Variants in GALC observed in about 807,000 individuals in gnomAD.
The protein encoded by GALC is galactosylceramidase.
Under a neutral mutation model 91.8 loss-of-function variants are expected in GALC, and 77 were observed. The observed-to-expected ratio is 0.84, with a 90% confidence interval of 0.70 to 1.01. The LOEUF (loss-of-function observed/expected upper bound fraction) is 1.01, where lower values mean the gene tolerates loss of function less well. Ranked by LOEUF, GALC falls within the 50% of genes least tolerant of loss-of-function variation. GALC has a pLI of 0.00. For synonymous variants in GALC, 357 were observed against 306.7 expected (o/e 1.16, Z -1.71); for missense variants, 882 against 855.9 (o/e 1.03, Z -0.38).
chr14:87,983,932 T>G (rs1046454784), intron 5 of GALC, among the ~76,000 whole-genome samples: 1 of 152,206 alleles, frequency 6.6e-6, no homozygotes, highest in Non-Finnish European at 1.5e-5. Flanking sequence ...TACCTCAAGA[T>G]CCTCAATATT....
At chr14:87,961,778 A>G (rs1350503683) in intron 10 of GALC, among the ~76,000 whole-genome samples, 3 of 152,138 alleles carry the variant, frequency 2.0e-5, no homozygotes, top group African/African-American at 7.2e-5. Flanking sequence ...AGACACTGAC[A>G]AAAAGGTGGC....
chr14:87,959,311 A>G (rs1885697641), intron 10 of GALC, among the ~76,000 whole-genome samples: 1 of 152,170 alleles, frequency 6.6e-6, no homozygotes, highest in Non-Finnish European at 1.5e-5. Flanking sequence ...TACCAAAAAA[A>G]CAAAAGAAAA....
chr14:87,984,582 G>C, intron 4 of GALC, 49 bp from the exon 5 acceptor site: 3 of 1,607,422 alleles, frequency 1.9e-6, no homozygotes, highest in Non-Finnish European at 2.6e-6. Context: ...TAACGGTGCT[G>C]GCGCTATTGA....
intron 9 of GALC, 24 bp downstream of exon 9, chr14:87,965,481 G>C (rs1341666643): frequency 6.2e-7 from 1 of 1,611,930 alleles, no homozygotes; most frequent in Non-Finnish European, 8.5e-7. Flanking sequence ...AATTTAGGGA[G>C]TGAGAGATGG....
intron 10 of GALC, chr14:87,952,672 A>G: frequency 2.0e-6 from 3 of 1,522,630 alleles, no homozygotes; most frequent in Non-Finnish European, 2.7e-6. Context: ...CTTGAAAACT[A>G]TGAAGTCCCA....
intron 10 of GALC, among the ~76,000 whole-genome samples, chr14:87,959,326 T>A (rs915678253): frequency 6.6e-6 from 1 of 151,820 alleles, no homozygotes; most frequent in African/African-American, 2.4e-5. Flanking sequence ...AGAAAACAAG[T>A]GTTGGTGAGG....
At chr14:87,957,484 C>T (rs1885606338) in intron 10 of GALC, among the ~76,000 whole-genome samples, 1 of 152,034 alleles carries the variant, frequency 6.6e-6, no homozygotes, top group African/African-American at 2.4e-5. Context: ...TGTTGCTATC[C>T]AATTTTCCCA....
chr14:87,935,074 T>C (rs959213054), intron 16 of GALC, among the ~76,000 whole-genome samples, 196 bp from the exon 17 acceptor site: 5 of 152,088 alleles, frequency 3.3e-5, no homozygotes, highest in African/African-American at 9.7e-5. Flanking sequence ...GAAATTCTTA[T>C]CTACCTACTT....
rs539617222 is a variant in GALC, at chr14:87,934,369, T to C, written c.*363A>G. 4.7e-6 allele frequency: 6 copies of C among 1,266,054 alleles called. No homozygotes were observed. In the East Asian group the frequency reaches 2.0e-4, roughly 41 times the overall value. 78.4% of individuals were successfully genotyped at this position (1,266,054 alleles called of 1,614,324 possible). A position where few individuals can be genotyped will look rare whatever the true frequency, so the allele number is the denominator to read the frequency against. On this transcript the variant is annotated 3_prime_UTR_variant, in exon 17 of 17. Transcript: ENST00000261304. Reference sequence around the variant, plus strand: ...ATGCATAAATACATCTCAGTGATGATCAAGTTACTGCCATCTACAGGACCG... The same window carrying C: ...ATGCATAAATACATCTCAGTGATGACCAAGTTACTGCCATCTACAGGACCG...
intron 15 of GALC, 64 bp downstream of exon 15, chr14:87,941,331 G>A (rs1884839457): frequency 5.9e-6 from 6 of 1,016,404 alleles, no homozygotes; most frequent in Non-Finnish European, 7.6e-6. Flanking sequence ...CAAATAACAA[G>A]TAGGTGCTCA....
chr14:87,973,890 T>A (rs190391317), intron 7 of GALC, among the ~76,000 whole-genome samples: 261 of 152,308 alleles, frequency 1.7e-3, no homozygotes, highest in Non-Finnish European at 2.8e-3. Flanking sequence ...AATGTCCGTC[T>A]GGGAGGCAAA....
chr14:87,992,741 C>G, intron 1 of GALC: 1 of 1,422,030 alleles, frequency 7.0e-7, no homozygotes, highest in East Asian at 2.6e-5. Context: ...ACCTCCGGAT[C>G]CTCATTTGTT....
Position 87,984,463 on chromosome 14 carries a change from A to G in GALC, c.513T>C (p.Thr171=), listed in dbSNP as rs1886885338. 6.2e-7 allele frequency: 1 copy of G among 1,614,042 alleles called. No homozygotes were observed. The highest frequency in any genetic ancestry group is 1.3e-5 in the African/African-American group (1 of 74,946). Residue 171 remains threonine, a synonymous_variant, in exon 5 of 17, where the codon ACT becomes ACC. Coordinates refer to ENST00000261304, the MANE Select transcript of GALC (RefSeq NM_000153.4). ...CAATCCAGGTCACGACATAATAGGC[A>G]GTCAGCTGAAGATTGACATAAGGCC... ...FDWPYVNLQL[T]AYYVVTWIVG...
chr14:87,963,160 A>G, intron 10 of GALC: 2 of 495,762 alleles, frequency 4.0e-6, no homozygotes, highest in South Asian at 2.1e-5. Flanking sequence ...ACTGCCAGGA[A>G]CAAAGTGGAG....
At chr14:87,986,398 T>C (rs1243416938) in intron 4 of GALC, 91 bp downstream of exon 4, 6 of 808,028 alleles carry the variant, frequency 7.4e-6, no homozygotes, top group Admixed American at 2.0e-5. Context: ...TATGAGTACT[T>C]CCGTATTAAT....
intron 6 of GALC, chr14:87,981,502 ACT>A (rs1886747948): frequency 5.6e-6 from 1 of 178,752 alleles, no homozygotes; most frequent in South Asian, 1.5e-4. Context: ...GAAATAAAAT[ACT>A]GTCCCAAAAT....
intron 1 of GALC, among the ~76,000 whole-genome samples, chr14:87,991,191 GT>G (rs1887184599): frequency 1.3e-5 from 2 of 152,026 alleles, no homozygotes; most frequent in African/African-American, 4.8e-5. Context: ...CTTTGGTTTG[GT>G]TTTTGGGTTT....
chr14:87,947,705 A>C, intron 13 of GALC, 23 bp downstream of exon 13: 1 of 1,606,052 alleles, frequency 6.2e-7, no homozygotes, highest in South Asian at 1.1e-5. Context: ...AGACCAAGTT[A>C]AGTTTTAGTG....
chr14:87,968,629 G>A (rs1249768801), intron 7 of GALC, 139 bp from the exon 8 acceptor site: 6 of 810,768 alleles, frequency 7.4e-6, no homozygotes, highest in African/African-American at 1.7e-5. Flanking sequence ...CTTCCAGGTA[G>A]ATAATGAATC....
Sources: gnomAD v4.1 joint callset for allele counts (sites outside exome capture counted in the v4.1 genomes callset) on GRCh38, gnomAD v4.1.1 for gene constraint, MANE v1.5 for transcripts, NCBI Gene and HGNC (gene_info 2026-07-23, HGNC 2026-07-21) for gene names.